The following ABCA1 variants were observed in gnomAD, a reference collection of about 807,000 sequenced individuals.
ABCA1 encodes the protein phospholipid-transporting ATPase ABCA1.
In ABCA1, 133 loss-of-function variants were observed where a neutral mutation model predicts 262.5. The ratio of observed to expected loss-of-function variants is 0.51; its 90% CI spans 0.44 to 0.59. The LOEUF (loss-of-function observed/expected upper bound fraction) is 0.59. ABCA1 is among the 20% of genes least tolerant of loss of function. The pLI, the probability that ABCA1 is intolerant of heterozygous loss-of-function variation, is 0.00. For synonymous variants in ABCA1, 1,022 were observed against 1,043.5 expected, an observed-to-expected ratio of 0.98 and a Z score of 0.40; for missense variants, 2,452 against 2,777.5, an observed-to-expected ratio of 0.88 and a Z score of 2.63.
intron 12 of ABCA1, 39 bp downstream of exon 12, chr9:104,832,535 C>G: frequency 1.2e-6 from 2 of 1,607,544 alleles, no homozygotes; most frequent in Non-Finnish European, 1.7e-6. Flanking sequence ...AGAAAGAAGC[C>G]GTTAAGTCTT....
At chr9:104,825,594 G>A in intron 17 of ABCA1, 89 bp downstream of exon 17, 1 of 1,362,770 alleles carries the variant, frequency 7.3e-7, no homozygotes, top group Non-Finnish European at 1.0e-6. Context: ...CACTTCCCAG[G>A]GAAGCCCATG....
In ABCA1 at chr9:104,804,132, G is replaced by A. The variant is rs558687303; in HGVS notation, c.4559+494C>T. ...ATTCAACACTAGGCTGCCATGTCCT[G>A]GGAAGCTAGAAGGCTCTCCCAAGGC... On this transcript the variant is annotated intron_variant, in intron 32 of 49. Coordinates refer to ENST00000374736, the MANE Select transcript of ABCA1 (RefSeq NM_005502.4). Among the ~76,000 whole-genome samples the A allele has an allele frequency of 2.0e-4, 30 of 152,202 alleles. No homozygotes were observed. The South Asian group carries it at 6.2e-3, about 32-fold the overall frequency.
Position 104,840,394 on chromosome 9 carries a change from C to T in ABCA1, c.939G>A (p.Glu313=). The T allele has an allele frequency of 6.2e-7, 1 of 1,614,228 alleles. No homozygotes were observed. Among genetic ancestry groups the T allele is most frequent in the East Asian group, 2.2e-5 (1 of 44,876 alleles). Residue 313 remains glutamate, a synonymous_variant, in exon 9 of 50, where the codon GAG becomes GAA. Coordinates refer to ENST00000374736, the MANE Select transcript of ABCA1 (RefSeq NM_005502.4). ...AVSRIVCGHP[E]GGGLKIKSLN... ...GAGACTTGATCTTCAGCCCCCCTCC[C>T]TCGGGATGCCCGCAGACAATACGAG...
chr9:104,801,636 G>C (rs889305796), intron 34 of ABCA1, among the ~76,000 whole-genome samples: 1 of 151,838 alleles, frequency 6.6e-6, no homozygotes, highest in Non-Finnish European at 1.5e-5. Flanking sequence ...CTTCCTACAG[G>C]GTTCAAGCAA....
At position 104,814,162 on chromosome 9, in the gene ABCA1, G is replaced by A; in HGVS notation, c.3857C>T (p.Thr1286Ile). Residue 1286 changes from threonine to isoleucine, a missense_variant, in exon 27 of 50, where the codon ACT becomes ATT. Physicochemically the swap from Thr to Ile is moderately conservative, Grantham distance 89. Around this residue, in one of 4 missense-constraint regions of ABCA1, gnomAD observed 665 missense variants for 727.3 expected, o/e 0.91. Transcript: ENST00000374736. Reference protein sequence around the residue: ...GDKQSCLRPFTEDDAADPNDS... With the variant: ...GDKQSCLRPFIEDDAADPNDS... ...ATTTGGATCAGCAGCATCATCTTCA[G>A]TGAACGGGCGAAGACAGCTCTGCTT... 1.2e-6 allele frequency: 2 copies of A among 1,614,228 alleles called. No individual in the cohort carries two copies. Among genetic ancestry groups the A allele is most frequent in the Non-Finnish European group, 1.7e-6 (2 of 1,180,048 alleles).
chr9:104,868,267 G>A (rs1350721704), intron 5 of ABCA1, among the ~76,000 whole-genome samples: 1 of 152,144 alleles, frequency 6.6e-6, no homozygotes, highest in Non-Finnish European at 1.5e-5. Context: ...GCTGAGGCAG[G>A]AGAATTGCTT....
intron 2 of ABCA1, among the ~76,000 whole-genome samples, chr9:104,898,134 T>C (rs771144734): frequency 8.5e-5 from 13 of 152,166 alleles, no homozygotes; most frequent in Non-Finnish European, 1.6e-4. Context: ...CATAAAATGG[T>C]CCATGTATAT....
At chr9:104,883,469 T>C (rs1488400081) in intron 4 of ABCA1, among the ~76,000 whole-genome samples, 2 of 152,174 alleles carry the variant, frequency 1.3e-5, no homozygotes, top group East Asian at 3.9e-4. Flanking sequence ...GGCCAACTTA[T>C]CCATGAACCA....
At chr9:104,856,517 C>A (rs1299287961) in intron 7 of ABCA1, among the ~76,000 whole-genome samples, 1 of 152,220 alleles carries the variant, frequency 6.6e-6, no homozygotes. Flanking sequence ...CATTTCCCTG[C>A]ACTCTGTCAC....
At chr9:104,886,371 C>T (rs3847303) in intron 3 of ABCA1, among the ~76,000 whole-genome samples, 22,565 of 152,108 alleles carry the variant, frequency 0.15, 1,944 homozygotes, top group African/African-American at 0.24. Flanking sequence ...AGAGGCAACA[C>T]CCAAAGCAAG....
chr9:104,897,483 G>A (rs1158364799), intron 2 of ABCA1, among the ~76,000 whole-genome samples: 2 of 152,226 alleles, frequency 1.3e-5, no homozygotes, highest in Non-Finnish European at 2.9e-5. Flanking sequence ...CAATCTAAAT[G>A]TTGGCAACAG....
intron 39 of ABCA1, among the ~76,000 whole-genome samples, chr9:104,794,870 G>A (rs1291723153): frequency 7.9e-5 from 12 of 152,310 alleles, no homozygotes; most frequent in Non-Finnish European, 1.5e-5. Flanking sequence ...TTGAGTTTCA[G>A]GATTTTGTCA....
chr9:104,796,361 A>G lies in ABCA1; in HGVS notation c.5185T>C (p.Tyr1729His). The G allele has an allele frequency of 6.2e-7, 1 of 1,614,222 alleles. No homozygotes were observed. Among genetic ancestry groups the G allele is most frequent in the Non-Finnish European group, 8.5e-7 (1 of 1,180,020 alleles). The change falls in exon 38 of 50, where the codon TAT becomes CAT. Residue 1729 changes from tyrosine to histidine, a missense_variant. Coordinates refer to ENST00000374736, the MANE Select transcript of ABCA1 (RefSeq NM_005502.4). The stretch of plus-strand genomic sequence containing the variant: ...ACAGGCAGATTGGTGGAGGACACAT[A>G]GGACTTCTGCTGGAAGCAGATGAAG... ...IIFICFQQKSYVSSTNLPVLA... is the reference protein window; with the variant it reads ...IIFICFQQKSHVSSTNLPVLA...
chr9:104,814,487 G>C lies in ABCA1; in HGVS notation c.3739-12C>G, dbSNP rs948256390. 1.4e-5 allele frequency: 23 copies of C among 1,613,844 alleles called. No individual in the cohort carries two copies. The highest frequency in any genetic ancestry group is 1.3e-4 in the Admixed American group (8 of 60,024). ...ACCTTGAGGAATATCTGGAAAATGAGAGAGATGAGAACATTATAAGCACCA... is the reference window on the plus strand; with the variant it reads ...ACCTTGAGGAATATCTGGAAAATGACAGAGATGAGAACATTATAAGCACCA... On this transcript the variant is annotated splice_polypyrimidine_tract_variant and intron_variant, in intron 25 of 49. Transcript: ENST00000374736.
In ABCA1 at chr9:104,814,140, T is replaced by C. The variant is rs879272598; in HGVS notation, c.3879A>G (p.Pro1293=). The change falls in exon 27 of 50, where the codon CCA becomes CCG. Residue 1293 remains proline, a synonymous_variant. Coordinates refer to ENST00000374736, the MANE Select transcript of ABCA1 (RefSeq NM_005502.4). ...GACCTGGGTCTATGTCAGAATCATT[T>C]GGATCAGCAGCATCATCTTCAGTGA... ...RPFTEDDAAD[P]NDSDIDPESR... 5.0e-6 allele frequency: 8 copies of C among 1,614,244 alleles called. No individual in the cohort carries two copies. Among genetic ancestry groups the C allele is most frequent in the Non-Finnish European group, 5.9e-6 (7 of 1,180,042 alleles).
intron 30 of ABCA1, among the ~76,000 whole-genome samples, chr9:104,808,014 C>T (rs958591370): frequency 1.4e-4 from 21 of 151,944 alleles, no homozygotes; most frequent in African/African-American, 3.9e-4. Flanking sequence ...CACACTAAGA[C>T]GCGCTGCCCT....
Position 104,786,923 on chromosome 9 carries a change from A to G in ABCA1, c.6258T>C (p.Cys2086=). ...TCCCCTCCTTGACAACACTTAGGGCACAATTCCACAAGAACCGCCGGGCTT... is the reference window on the plus strand; with the variant it reads ...TCCCCTCCTTGACAACACTTAGGGCGCAATTCCACAAGAACCGCCGGGCTT... ...DPKARRFLWN[C]ALSVVKEGRS... is the part of the protein sequence containing the mutation. The change falls in exon 47 of 50, where the codon TGT becomes TGC. Residue 2086 remains cysteine, a synonymous_variant. Transcript: ENST00000374736. 6.2e-7 allele frequency: 1 copy of G among 1,614,078 alleles called. No homozygotes were observed. The highest frequency in any genetic ancestry group is 8.5e-7 in the Non-Finnish European group (1 of 1,179,976).
At chr9:104,807,386 TG>T (rs1264419376) in intron 30 of ABCA1, among the ~76,000 whole-genome samples, 1 of 152,226 alleles carries the variant, frequency 6.6e-6, no homozygotes, top group Non-Finnish European at 1.5e-5. Context: ...CCTGCTCTTT[TG>T]GGGGCTTATT....
chr9:104,789,462 G>A (rs753581245), intron 44 of ABCA1, among the ~76,000 whole-genome samples: 7 of 152,216 alleles, frequency 4.6e-5, no homozygotes, highest in Non-Finnish European at 8.8e-5. Flanking sequence ...CAGGAGAGGA[G>A]ATCATGAATA....
Sources: allele counts gnomAD v4.1 joint callset (sites outside exome capture counted in the v4.1 genomes callset), GRCh38; gene constraint gnomAD v4.1.1; regional missense constraint gnomAD v4.1.1; transcripts MANE v1.5; gene names NCBI Gene and HGNC (gene_info 2026-07-23, HGNC 2026-07-21).